The following FGFR1 variants were observed in gnomAD, a reference collection of about 807,000 sequenced individuals.
FGFR1 encodes fibroblast growth factor receptor 1, also known as FGFR1/PLAG1 fusion.
FGFR1 carries 18 observed loss-of-function variants against 93.7 expected under a neutral mutation model. The observed-to-expected ratio is 0.19, with a 90% CI of 0.13 to 0.28. The LOEUF is 0.28. Among genes scored for constraint, FGFR1 ranks in the 10% least tolerant of loss-of-function variants. FGFR1 has a pLI of 1.00. For missense variants in FGFR1, 731 were observed against 1,080.4 expected, an observed-to-expected ratio of 0.68 and a Z score of 4.53; for synonymous variants, 448 against 429.3, an observed-to-expected ratio of 1.04 and a Z score of -0.54.
chr8:38,413,105 G>T lies in FGFR1; in HGVS notation c.*523C>A, dbSNP rs1161038058. On this transcript the variant is annotated 3_prime_UTR_variant, in exon 18 of 18. Transcript: ENST00000447712. This position sits in a 1 kb window ranked among gnomAD's most constrained non-coding sequence, Gnocchi z 4.2. ...TGGTACCAGGCATTTGGTCAGCAAA[G>T]CAAACTAGTATCGGAATTAATAAGC... 1.7e-5 allele frequency: 4 copies of T among 239,980 alleles called. No homozygotes were observed. The highest frequency in any genetic ancestry group is 3.3e-5 in the Non-Finnish European group (4 of 122,040). The allele number at this position is 239,980 out of a possible 1,614,324, so 14.9% of individuals were successfully genotyped here. A position where few individuals can be genotyped will look rare whatever the true frequency, so the allele number is the denominator to read the frequency against.
At chr8:38,457,995 T>C (rs1464410860) in intron 1 of FGFR1, among the ~76,000 whole-genome samples, 1 of 151,906 alleles carries the variant, frequency 6.6e-6, no homozygotes, top group East Asian at 1.9e-4. Context: ...AAAGAGAGGT[T>C]ATAGGTCTTA....
At position 38,413,506 on chromosome 8, in the gene FGFR1, G is replaced by C. The variant is rs959920331; in HGVS notation, c.*122C>G. 1.4e-5 allele frequency: 16 copies of C among 1,149,856 alleles called. No individual in the cohort carries two copies. The African/African-American group carries it at 2.3e-4, about 17-fold the overall frequency. The allele number at this position is 1,149,856 out of a possible 1,614,324, so 71.2% of individuals were successfully genotyped here. ...GGCAGGCCACACAGGAAGGCCCCTG[G>C]TAGGCAGCCGGCTCCTGCCAGCAGG... On this transcript the variant is annotated 3_prime_UTR_variant, in exon 18 of 18. Transcript: ENST00000447712. This position sits in a 1 kb window ranked among gnomAD's most constrained non-coding sequence, Gnocchi z 4.2.
chr8:38,454,603 C>T (rs1348173767), intron 2 of FGFR1, among the ~76,000 whole-genome samples: 1 of 152,330 alleles, frequency 6.6e-6, no homozygotes, highest in Non-Finnish European at 1.5e-5. Context: ...ACCTGCACTT[C>T]CTCTAGCCAG....
At chr8:38,447,151 A>ACACACACACACC (rs1283999521) in intron 2 of FGFR1, among the ~76,000 whole-genome samples, 6 of 128,128 alleles carry the variant, frequency 4.7e-5, no homozygotes, top group African/African-American at 1.8e-4. Flanking sequence ...ACACACACAC[A>ACACACACACACC]CCCCTGACAA....
At chr8:38,423,066 T>G in intron 7 of FGFR1, 1 of 779,698 alleles carries the variant, frequency 1.3e-6, no homozygotes, top group Non-Finnish European at 2.4e-6. Flanking sequence ...CGCAGACTGG[T>G]TAGCTTCACC....
chr8:38,416,902 G>A lies in FGFR1; in HGVS notation c.1663+404C>T, dbSNP rs553830020. ...TGAGTAGCTGGGATTATAGGCATGC[G>A]TGACCATGCCTGGCTAACTTTTGTA... On this transcript the variant is annotated intron_variant, in intron 12 of 17. Coordinates refer to ENST00000447712, the MANE Select transcript of FGFR1 (RefSeq NM_023110.3). Among the ~76,000 whole-genome samples, 50 of 152,206 alleles carry A rather than the reference G, an allele frequency of 3.3e-4. 1 individual carries two copies. Among genetic ancestry groups the A allele is most frequent in the East Asian group, 7.7e-4 (4 of 5,166 alleles).
rs564142426 is a variant in FGFR1 at position 38,451,148 on chromosome 8, A to C, written c.91+6208T>G. 1.3e-3 allele frequency among the ~76,000 whole-genome samples: 202 copies of C among 152,232 alleles called. 1 individual carries two copies. Among genetic ancestry groups the C allele is most frequent in the African/African-American group, 4.7e-3 (194 of 41,548 alleles). On this transcript the variant is annotated intron_variant, in intron 2 of 17. Coordinates refer to ENST00000447712, the MANE Select transcript of FGFR1 (RefSeq NM_023110.3). Reference sequence around the variant, plus strand: ...ATCACCTTTTGCTCCATGGAATTCCATTCGCCTTCTGGCAGGGGATGAAGA... The same window carrying C: ...ATCACCTTTTGCTCCATGGAATTCCCTTCGCCTTCTGGCAGGGGATGAAGA...
chr8:38,456,684 C>T (rs1321106462), intron 2 of FGFR1, among the ~76,000 whole-genome samples: 1 of 152,214 alleles, frequency 6.6e-6, no homozygotes, highest in Non-Finnish European at 1.5e-5. Context: ...CTGTCTCAGC[C>T]TCCTGAGTAG....
At chr8:38,450,967 G>C (rs148443523) in intron 2 of FGFR1, among the ~76,000 whole-genome samples, 2 of 152,226 alleles carry the variant, frequency 1.3e-5, no homozygotes, top group African/African-American at 4.8e-5. Flanking sequence ...GTCCAGCTCT[G>C]AACACTTGCA....
Position 38,432,917 on chromosome 8 carries a change from C to CA in FGFR1, c.92-2970_92-2969insT, listed in dbSNP as rs1554573959. Among the ~76,000 whole-genome samples, 3 of 142,502 alleles carry CA rather than the reference C, an allele frequency of 2.1e-5. 1 individual carries two copies. The highest frequency in any genetic ancestry group is 4.7e-4 in the South Asian group (2 of 4,262). The allele number at this position is 142,502 out of a possible 152,430, so 93.5% of individuals were successfully genotyped here. A position where few individuals can be genotyped will look rare whatever the true frequency, so the allele number is the denominator to read the frequency against. On this transcript the variant is annotated intron_variant, in intron 2 of 17. Coordinates refer to ENST00000447712, the MANE Select transcript of FGFR1 (RefSeq NM_023110.3). Reference sequence around the variant, plus strand: ...TGTCCCTCCCCACCGCGCCCCCCCCCCTCCCCAGTTGGGATGCTTTCAGCA... The same window carrying CA: ...TGTCCCTCCCCACCGCGCCCCCCCCCACTCCCCAGTTGGGATGCTTTCAGCA...
In FGFR1 at chr8:38,426,042, A is replaced by G. The variant is rs1820641960; in HGVS notation, c.745+80T>C. The stretch of plus-strand genomic sequence containing the variant: ...CGCTATCCTGACTCTGCCCCTAAGA[A>G]ACCTGGACACCCCGGCTGTGTTCTC... On this transcript the variant is annotated intron_variant, in intron 6 of 17. Coordinates refer to ENST00000447712, the MANE Select transcript of FGFR1 (RefSeq NM_023110.3). This position sits in a 1 kb window ranked among gnomAD's most constrained non-coding sequence, Gnocchi z 4.1. 1 of 1,604,858 alleles carries G rather than the reference A, an allele frequency of 6.2e-7. No homozygotes were observed.
In FGFR1 at chr8:38,413,926, A is replaced by C; in HGVS notation, c.2284T>G (p.Ser762Ala). The C allele has an allele frequency of 6.2e-7, 1 of 1,613,900 alleles. No individual in the cohort carries two copies. Among genetic ancestry groups the C allele is most frequent in the Admixed American group, 1.7e-5 (1 of 59,992 alleles). The change falls in exon 17 of 18, where the codon TCC becomes GCC. Residue 762 changes from serine (S) to alanine (A), a missense_variant. This residue lies in a region of FGFR1 where 79 missense variants were observed against 97.2 expected (regional missense o/e 0.81). Transcript: ENST00000447712. This position sits in a 1 kb window ranked among gnomAD's most constrained non-coding sequence, Gnocchi z 4.2. ...GGCACGGGCAGCCTTACCTGGTTGG[A>C]GGTCAAGGCCACGATGCGGTCCAGG... Reference protein sequence around the residue: ...EDLDRIVALTSNQEYLDLSMP... With the variant: ...EDLDRIVALTANQEYLDLSMP...
intron 2 of FGFR1, among the ~76,000 whole-genome samples, chr8:38,456,688 T>C (rs1347202569): frequency 1.3e-5 from 2 of 152,200 alleles, no homozygotes; most frequent in African/African-American, 4.8e-5. Context: ...CTCAGCCTCC[T>C]GAGTAGCAAG....
intron 2 of FGFR1, among the ~76,000 whole-genome samples, chr8:38,447,142 CA>C (rs1563587327): frequency 2.3e-3 from 336 of 147,612 alleles, no homozygotes; most frequent in African/African-American, 7.1e-3. Context: ...CACACACACA[CA>C]CACACACACC....
At chr8:38,444,697 A>C (rs541753191) in intron 2 of FGFR1, among the ~76,000 whole-genome samples, 1 of 151,916 alleles carries the variant, frequency 6.6e-6, no homozygotes, top group African/African-American at 2.4e-5. Context: ...CAGCCAGTTT[A>C]GGGATTTTTC....
At position 38,434,067 on chromosome 8, in the gene FGFR1, C is replaced by A. The variant is rs17182247; in HGVS notation, c.92-4119G>T. Among the ~76,000 whole-genome samples the A allele has an allele frequency of 4.6e-5, 7 of 152,330 alleles. No individual in the cohort carries two copies. In the South Asian group the frequency reaches 1.0e-3, roughly 23 times the overall value. On this transcript the variant is annotated intron_variant, in intron 2 of 17. Transcript: ENST00000447712. ...TTTCACTTAGCATGTGTTCAAACTT[C>A]CTCCATGTTATAGCATAGAATCAGC...
intron 2 of FGFR1, among the ~76,000 whole-genome samples, chr8:38,450,649 T>G (rs17580578): frequency 1.3e-5 from 2 of 151,982 alleles, no homozygotes; most frequent in African/African-American, 4.8e-5. Context: ...CGACTCCAGG[T>G]AGTCACAGGA....
chr8:38,467,987 C>G lies in FGFR1; in HGVS notation c.-95G>C, dbSNP rs976688498. The G allele has an allele frequency of 1.3e-4, 29 of 218,326 alleles. No homozygotes were observed. Among genetic ancestry groups the G allele is most frequent in the African/African-American group, 6.3e-4 (28 of 44,424 alleles). 13.5% of individuals were successfully genotyped at this position (218,326 alleles called of 1,614,324 possible). ...GGGGCGCCGCGGCTCTTACCTCGCT[C>G]GGCGTGGAGGTTCCGCCTCGGGAGA... On this transcript the variant is annotated 5_prime_UTR_variant, in exon 1 of 18. Transcript: ENST00000447712.
chr8:38,457,903 A>C (rs146284606), intron 1 of FGFR1, among the ~76,000 whole-genome samples: 381 of 152,324 alleles, frequency 2.5e-3, no homozygotes, highest in African/African-American at 8.5e-3. Context: ...GAATCGCTTG[A>C]ATCCAGGAGG....
Sources: gnomAD v4.1 joint callset for allele counts (sites outside exome capture counted in the v4.1 genomes callset) on GRCh38, gnomAD v4.1.1 for gene constraint, gnomAD v4.1.1 regional missense constraint, Gnocchi (gnomAD v3.1) non-coding constraint, MANE v1.5 for transcripts, NCBI Gene and HGNC (gene_info 2026-07-23, HGNC 2026-07-21) for gene names.